The following NCOA1 variants were observed in gnomAD, a reference collection of about 807,000 sequenced individuals.
The protein encoded by NCOA1 is Hin-2 protein.
NCOA1 carries 35 observed loss-of-function variants against 150.9 expected under a neutral mutation model. That is an observed-to-expected ratio of 0.23 (90% CI 0.18 to 0.31). The LOEUF is 0.31. Among genes scored for constraint, NCOA1 ranks in the 10% least tolerant of loss-of-function variants. The probability of loss-of-function intolerance (pLI) is 1.00; values close to 1 mark genes in which losing one functional copy is unlikely to be tolerated. For missense variants in NCOA1, 1,491 were observed against 1,749.3 expected, an observed-to-expected ratio of 0.85 and a Z score of 2.63; for synonymous variants, 590 against 630.0, an observed-to-expected ratio of 0.94 and a Z score of 0.95.
chr2:24,650,168 C>G (rs1324949755), intron 4 of NCOA1, among the ~76,000 whole-genome samples: 1 of 152,134 alleles, frequency 6.6e-6, no homozygotes, highest in Non-Finnish European at 1.5e-5. Context: ...GGTCTCTTCT[C>G]TGGGCCAAGG....
At chr2:24,578,523 G>A (rs556055727) in intron 2 of NCOA1, among the ~76,000 whole-genome samples, 1 of 152,100 alleles carries the variant, frequency 6.6e-6, no homozygotes, top group Non-Finnish European at 1.5e-5. Flanking sequence ...TAAGATTCCA[G>A]TAACTACATT....
chr2:24,514,940 A>G (rs1664103463), intron 1 of NCOA1, among the ~76,000 whole-genome samples: 1 of 152,214 alleles, frequency 6.6e-6, no homozygotes, highest in Non-Finnish European at 1.5e-5. Context: ...TTAGTTATCC[A>G]TAGCTTAAAG....
chr2:24,564,862 A>G (rs1188460572), intron 2 of NCOA1: 1 of 152,266 alleles, frequency 6.6e-6, no homozygotes, highest in African/African-American at 2.4e-5. Context: ...TGTCAATTTA[A>G]TAATTATTTT....
At position 24,765,275 on chromosome 2, in the gene NCOA1, G is replaced by A. The variant is rs185559995; in HGVS notation, c.4155+2499G>A. On this transcript the variant is annotated intron_variant, in intron 22 of 22. Transcript: ENST00000348332. ...TCCCAATACTTCAGGAGGCTGAGGC[G>A]GGCAGATCACTAGGTCAGGAGATCA... is the stretch of plus-strand genomic sequence containing the variant. Among the ~76,000 whole-genome samples, 424 of 151,408 alleles carry A rather than the reference G, an allele frequency of 2.8e-3. 2 individuals are homozygous for A. Among genetic ancestry groups the A allele is most frequent in the African/African-American group, 9.9e-3 (407 of 41,250 alleles).
chr2:24,540,955 A>G (rs1259207615), intron 1 of NCOA1, among the ~76,000 whole-genome samples: 1 of 152,230 alleles, frequency 6.6e-6, no homozygotes, highest in Non-Finnish European at 1.5e-5. Flanking sequence ...GCCAGAAACC[A>G]TGGTAGCAAA....
intron 1 of NCOA1, among the ~76,000 whole-genome samples, chr2:24,555,187 T>A (rs1290244576): frequency 1.3e-5 from 2 of 152,214 alleles, no homozygotes; most frequent in Non-Finnish European, 2.9e-5. Flanking sequence ...ATTAAAAGTA[T>A]TTTCTAATTT....
intron 7 of NCOA1, among the ~76,000 whole-genome samples, chr2:24,674,618 C>A (rs1671825905): frequency 6.6e-6 from 1 of 152,060 alleles, no homozygotes; most frequent in South Asian, 2.1e-4. Flanking sequence ...ATTTATTCAA[C>A]AAAGATTTGT....
At chr2:24,693,083 C>T (rs1438214201) in intron 9 of NCOA1, among the ~76,000 whole-genome samples, 169 bp from the exon 10 acceptor site, 2 of 152,112 alleles carry the variant, frequency 1.3e-5, no homozygotes, top group Admixed American at 6.5e-5. Context: ...AGCATGGTCT[C>T]GATCTTGTGA....
rs1408373471 is a variant in NCOA1 at position 24,728,473 on chromosome 2, T to A, written c.2883T>A (p.Val961=). The change falls in exon 16 of 23, where the codon GTT becomes GTA. Residue 961 remains valine, a synonymous_variant. Coordinates refer to ENST00000348332, the MANE Select transcript of NCOA1 (RefSeq NM_003743.5). ...LDRALGIDKL[V]QGGGLDVLSE... is the part of the protein sequence containing the mutation. ...GAGCTCTGGGAATTGACAAACTTGTTCAGGTATTTATTAAAGTCAACATTA... is the reference window on the plus strand; with the variant it reads ...GAGCTCTGGGAATTGACAAACTTGTACAGGTATTTATTAAAGTCAACATTA... The A allele has an allele frequency of 6.2e-7, 1 of 1,610,170 alleles. No homozygotes were observed. The highest frequency in any genetic ancestry group is 8.5e-7 in the Non-Finnish European group (1 of 1,178,678).
At chr2:24,643,347 G>T (rs186737325) in intron 3 of NCOA1, among the ~76,000 whole-genome samples, 10 of 152,210 alleles carry the variant, frequency 6.6e-5, no homozygotes, top group African/African-American at 9.6e-5. Flanking sequence ...TTCTTTCAAT[G>T]ATCAGAACCC....
intron 14 of NCOA1, among the ~76,000 whole-genome samples, chr2:24,719,028 C>CAA (rs59556004): frequency 0.041 from 1,424 of 34,332 alleles, 101 homozygotes; most frequent in Non-Finnish European, 0.047. Context: ...GACTCTGTCC[C>CAA]AAAAAAAAAA....
chr2:24,572,788 G>A (rs972009734), intron 2 of NCOA1, among the ~76,000 whole-genome samples: 1 of 152,096 alleles, frequency 6.6e-6, no homozygotes, highest in African/African-American at 2.4e-5. Context: ...GCCACACAAA[G>A]TATCTTTTAT....
rs771610026 is a variant in NCOA1 at position 24,729,689 on chromosome 2, A to G, written c.3075A>G (p.Val1025=). 2 of 1,614,168 alleles carry G rather than the reference A, an allele frequency of 1.2e-6. No homozygotes were observed. The highest frequency in any genetic ancestry group is 1.7e-5 in the Admixed American group (1 of 60,022). Residue 1025 remains valine, a synonymous_variant, in exon 17 of 23, where the codon GTA becomes GTG. Transcript: ENST00000348332. ...CACTGGGGACGATGCCTGTTCAAGT[A>G]ACACCTCCCCGAGGTGCTTTTTCAC... ...KPSLGTMPVQ[V]TPPRGAFSPG...
intron 7 of NCOA1, among the ~76,000 whole-genome samples, chr2:24,678,651 T>A (rs1238289975): frequency 1.3e-5 from 2 of 152,234 alleles, no homozygotes; most frequent in Non-Finnish European, 2.9e-5. Context: ...GATGTTGAGC[T>A]TTTGATATGT....
chr2:24,686,748 A>G (rs138901801), intron 8 of NCOA1, among the ~76,000 whole-genome samples: 1 of 152,254 alleles, frequency 6.6e-6, no homozygotes, highest in East Asian at 1.9e-4. Context: ...AATCGAATTA[A>G]TCTTGTGAAA....
At chr2:24,612,047 G>C (rs1295339238) in intron 3 of NCOA1, among the ~76,000 whole-genome samples, 1 of 152,066 alleles carries the variant, frequency 6.6e-6, no homozygotes, top group African/African-American at 2.4e-5. Context: ...GTGGTAGAAG[G>C]TTATTTTTCT....
intron 4 of NCOA1, among the ~76,000 whole-genome samples, chr2:24,645,199 G>A (rs1028047415): frequency 5.3e-5 from 8 of 151,902 alleles, no homozygotes; most frequent in African/African-American, 1.9e-4. Context: ...CTTTAAAATT[G>A]CATCAGTTTT....
chr2:24,695,148 G>A (rs964740088), intron 10 of NCOA1, among the ~76,000 whole-genome samples: 1 of 152,032 alleles, frequency 6.6e-6, no homozygotes, highest in Non-Finnish European at 1.5e-5. Context: ...TAAGAACAGT[G>A]TTATCCCTGG....
intron 13 of NCOA1, 32 bp from the exon 14 acceptor site, chr2:24,710,899 A>G (rs1454006714): frequency 8.1e-6 from 13 of 1,602,258 alleles, no homozygotes; most frequent in South Asian, 7.7e-5. Context: ...AGTGTAAAAT[A>G]TATTTCCTCT....
Sources: gnomAD v4.1 joint callset for allele counts (sites outside exome capture counted in the v4.1 genomes callset) on GRCh38, gnomAD v4.1.1 for gene constraint, MANE v1.5 for transcripts, NCBI Gene and HGNC (gene_info 2026-07-23, HGNC 2026-07-21) for gene names.